The following SNTB1 variants were observed in gnomAD, a reference collection of about 807,000 sequenced individuals.
SNTB1 encodes the protein syntrophin beta 1.
A neutral mutation model predicts 48.9 loss-of-function variants in SNTB1; 36 were observed. The ratio of observed to expected loss-of-function variants is 0.74; its 90% CI spans 0.56 to 0.97. The LOEUF (loss-of-function observed/expected upper bound fraction) is 0.97. SNTB1 is among the 50% of genes least tolerant of loss of function. The pLI is 0.00. For synonymous variants in SNTB1, 299 were observed against 294.6 expected, an observed-to-expected ratio of 1.01 and a Z score of -0.15; for missense variants, 786 against 703.4, an observed-to-expected ratio of 1.12 and a Z score of -1.33.
chr8:120,580,525 C>G (rs1005156005), intron 3 of SNTB1, among the ~76,000 whole-genome samples: 1 of 152,118 alleles, frequency 6.6e-6, no homozygotes, highest in East Asian at 1.9e-4. Flanking sequence ...TCCCCCAGCT[C>G]CCATGAGCAG....
intron 3 of SNTB1, among the ~76,000 whole-genome samples, chr8:120,595,253 G>A (rs4871075): frequency 0.11 from 16,353 of 152,144 alleles, 1,446 homozygotes; most frequent in East Asian, 0.44. Flanking sequence ...CTAATTCACA[G>A]GATGAGACAG....
rs1438458740 is a variant in SNTB1, at chr8:120,537,202, GAA to G, written c.*1673_*1674del. On this transcript the variant is annotated 3_prime_UTR_variant, in exon 7 of 7. Transcript: ENST00000517992. The stretch of plus-strand genomic sequence containing the variant: ...ACTAGCTTCACAAGATGCTCCATTA[GAA>G]AAGAGTCCTGTAGGTAAGTGTGAGG... The G allele has an allele frequency of 1.3e-5, 2 of 150,804 alleles. No individual in the cohort carries two copies. The highest frequency in any genetic ancestry group is 3.0e-5 in the Non-Finnish European group (2 of 67,778). 9.3% of individuals were successfully genotyped at this position (150,804 alleles called of 1,614,324 possible). A position where few individuals can be genotyped will look rare whatever the true frequency, so the allele number is the denominator to read the frequency against.
At chr8:120,714,326 C>A (rs1298723207) in intron 1 of SNTB1, among the ~76,000 whole-genome samples, 1 of 152,142 alleles carries the variant, frequency 6.6e-6, no homozygotes, top group Non-Finnish European at 1.5e-5. Flanking sequence ...CTTGTGGTGA[C>A]AATTCCAGCC....
At chr8:120,670,047 T>C (rs373771151) in intron 2 of SNTB1, among the ~76,000 whole-genome samples, 1 of 152,250 alleles carries the variant, frequency 6.6e-6, no homozygotes, top group South Asian at 2.1e-4. Context: ...TATCATGTCC[T>C]AGAAAGTATA....
chr8:120,630,805 T>C (rs1021904410), intron 3 of SNTB1, among the ~76,000 whole-genome samples: 1 of 152,132 alleles, frequency 6.6e-6, no homozygotes, highest in African/African-American at 2.4e-5. Flanking sequence ...GTTAACCCAA[T>C]TAGACTTATA....
intron 1 of SNTB1, among the ~76,000 whole-genome samples, chr8:120,778,209 T>C (rs1393031907): frequency 6.6e-6 from 1 of 152,228 alleles, no homozygotes; most frequent in Non-Finnish European, 1.5e-5. Context: ...GTCTCCTTCC[T>C]GTTCCCAGGA....
chr8:120,668,163 T>C (rs1442485731), intron 2 of SNTB1, among the ~76,000 whole-genome samples: 1 of 152,220 alleles, frequency 6.6e-6, no homozygotes, highest in Non-Finnish European at 1.5e-5. Flanking sequence ...CTCTCAGCTC[T>C]GTCTTCCCAA....
intron 1 of SNTB1, among the ~76,000 whole-genome samples, chr8:120,736,383 T>C (rs1018551339): frequency 2.0e-5 from 3 of 152,060 alleles, no homozygotes; most frequent in African/African-American, 7.2e-5. Context: ...GAAGAGACCT[T>C]AGACAAACGT....
At chr8:120,786,224 G>C (rs1440864879) in intron 1 of SNTB1, among the ~76,000 whole-genome samples, 1 of 152,178 alleles carries the variant, frequency 6.6e-6, no homozygotes, top group Non-Finnish European at 1.5e-5. Context: ...GGCCCTCAGG[G>C]ATTGCTACTC....
At chr8:120,722,260 C>G (rs1195621487) in intron 1 of SNTB1, among the ~76,000 whole-genome samples, 1 of 152,170 alleles carries the variant, frequency 6.6e-6, no homozygotes, top group Non-Finnish European at 1.5e-5. Flanking sequence ...GGTATATACC[C>G]AGTAATGGGA....
At chr8:120,660,603 C>G (rs761597956) in intron 2 of SNTB1, among the ~76,000 whole-genome samples, 2 of 152,202 alleles carry the variant, frequency 1.3e-5, no homozygotes, top group Non-Finnish European at 2.9e-5. Flanking sequence ...GTTTTGCTTT[C>G]TTATCATTTG....
intron 2 of SNTB1, among the ~76,000 whole-genome samples, chr8:120,690,896 T>A (rs1818113956): frequency 6.6e-6 from 1 of 152,222 alleles, no homozygotes; most frequent in Middle Eastern, 3.2e-3. Context: ...TTGGGACCTG[T>A]CTGGACCTGA....
intron 5 of SNTB1, among the ~76,000 whole-genome samples, chr8:120,544,790 CTTTT>C (rs113100073): frequency 1.8e-4 from 20 of 114,132 alleles, no homozygotes; most frequent in Admixed American, 2.8e-4. Flanking sequence ...AAATTCAAAA[CTTTT>C]TTTTTTTTTT....
chr8:120,590,596 G>A (rs1018259437), intron 3 of SNTB1, among the ~76,000 whole-genome samples: 2 of 151,716 alleles, frequency 1.3e-5, no homozygotes, highest in Admixed American at 6.6e-5. Flanking sequence ...AAAGACATCC[G>A]CTATCTTATC....
chr8:120,583,311 C>T (rs1816078174), intron 3 of SNTB1, among the ~76,000 whole-genome samples: 1 of 151,962 alleles, frequency 6.6e-6, no homozygotes, highest in Non-Finnish European at 1.5e-5. Context: ...TCAACACCAG[C>T]CTGGCCAACA....
chr8:120,596,860 C>A (rs1430086423), intron 3 of SNTB1, among the ~76,000 whole-genome samples: 1 of 152,224 alleles, frequency 6.6e-6, no homozygotes, highest in African/African-American at 2.4e-5. Flanking sequence ...ATAATCCAGA[C>A]TACTCTGTTC....
At chr8:120,661,698 CCATGTGATCTCATTGTT>C (rs1185837168) in intron 2 of SNTB1, among the ~76,000 whole-genome samples, 1 of 152,144 alleles carries the variant, frequency 6.6e-6, no homozygotes, top group East Asian at 1.9e-4. Flanking sequence ...CTCCCTGTGT[CCATGTGATCTCATTGTT>C]CAACTCCCAC....
rs551704349 is a variant in SNTB1 at position 120,811,420 on chromosome 8, T to C, written c.424A>G (p.Ile142Val). The C allele has an allele frequency of 3.1e-6, 5 of 1,613,940 alleles. No homozygotes were observed. The African/African-American group carries it at 6.7e-5, about 22-fold the overall frequency. ...ENKMPILISK[I>V]FKGLAADQTQ... Reference sequence around the variant, plus strand: ...TGGTCCGCCGCCAGCCCCTTGAAGATCTTGCTGATGAGGATGGGCATCTTG... The same window carrying C: ...TGGTCCGCCGCCAGCCCCTTGAAGACCTTGCTGATGAGGATGGGCATCTTG... The change falls in exon 1 of 7, where the codon ATC becomes GTC. Residue 142 changes from isoleucine (I) to valine (V), a missense_variant. By Grantham distance (29) the Ile-to-Val change is conservative (BLOSUM62 3). Transcript: ENST00000517992.
At chr8:120,651,462 C>T (rs370058341) in intron 2 of SNTB1, among the ~76,000 whole-genome samples, 9 of 152,230 alleles carry the variant, frequency 5.9e-5, no homozygotes, top group African/African-American at 2.2e-4. Context: ...GAGTTGTGGC[C>T]GTAACTAGAG....
Sources: gnomAD v4.1 joint callset for allele counts (sites outside exome capture counted in the v4.1 genomes callset) on GRCh38, gnomAD v4.1.1 for gene constraint, MANE v1.5 for transcripts, NCBI Gene and HGNC (gene_info 2026-07-23, HGNC 2026-07-21) for gene names.